The following GTF2IRD2B variants were observed in gnomAD, a reference collection of about 807,000 sequenced individuals.
The protein encoded by GTF2IRD2B is general transcription factor II-I repeat domain-containing protein 2B.
Under a neutral mutation model 55.6 loss-of-function variants are expected in GTF2IRD2B, and 10 were observed. That is an observed-to-expected ratio of 0.18 (90% CI 0.11 to 0.31). GTF2IRD2B has a LOEUF of 0.31. GTF2IRD2B is among the 10% of genes least tolerant of loss of function. The pLI is 1.00. For synonymous variants in GTF2IRD2B, 107 were observed against 320.5 expected, an observed-to-expected ratio of 0.33 and a Z score of 7.12; for missense variants, 206 against 802.7, an observed-to-expected ratio of 0.26 and a Z score of 8.98.
intron 3 of GTF2IRD2B, among the ~76,000 whole-genome samples, chr7:75,113,887 T>C (rs1446771544): frequency 2.0e-5 from 3 of 148,910 alleles, no homozygotes; most frequent in African/African-American, 7.5e-5. Context: ...TGTGTGTCTG[T>C]GTGTGTATAA....
intron 1 of GTF2IRD2B, among the ~76,000 whole-genome samples, chr7:75,103,590 C>A (rs587683498): frequency 6.6e-6 from 1 of 151,632 alleles, no homozygotes; most frequent in Admixed American, 6.6e-5. Flanking sequence ...GAAGGAACCT[C>A]GGGACAAGCA....
chr7:75,119,142 C>T (rs1251403713), intron 3 of GTF2IRD2B, among the ~76,000 whole-genome samples: 1 of 109,352 alleles, frequency 9.1e-6, no homozygotes. Flanking sequence ...TGCAGTGAGC[C>T]GAGATCATGC....
chr7:75,103,984 A>G (rs1270483541), intron 1 of GTF2IRD2B, among the ~76,000 whole-genome samples: 1 of 149,928 alleles, frequency 6.7e-6, no homozygotes, highest in East Asian at 2.0e-4. Context: ...GTGCGCAGAG[A>G]TCATGCCACT....
At chr7:75,101,425 T>C (rs1807550242) in intron 1 of GTF2IRD2B, among the ~76,000 whole-genome samples, 1 of 149,496 alleles carries the variant, frequency 6.7e-6, no homozygotes, top group Non-Finnish European at 1.5e-5. Flanking sequence ...ATTAGCTGAG[T>C]GTCGTGGCAC....
rs1554421561 is a variant in GTF2IRD2B at position 75,104,123 on chromosome 7, T to G, written c.-5-4837T>G. Among the ~76,000 whole-genome samples, 55 of 129,736 alleles carry G rather than the reference T, an allele frequency of 4.2e-4. 2 individuals are homozygous for G. In the South Asian group the frequency reaches 0.014, roughly 32 times the overall value. 85.1% of individuals were successfully genotyped at this position (129,736 alleles called of 152,430 possible). A position where few individuals can be genotyped will look rare whatever the true frequency, so the allele number is the denominator to read the frequency against. ...TGCCCCTTGGGCTGTTGCTGTGGCATCTCCCTTTTTTTGTTTTTAGATGGA... is the reference window on the plus strand; with the variant it reads ...TGCCCCTTGGGCTGTTGCTGTGGCAGCTCCCTTTTTTTGTTTTTAGATGGA... On this transcript the variant is annotated intron_variant, in intron 1 of 15. Coordinates refer to ENST00000472837, the MANE Select transcript of GTF2IRD2B (RefSeq NM_001003795.3).
chr7:75,122,874 C>T (rs1808424532), intron 4 of GTF2IRD2B, among the ~76,000 whole-genome samples: 1 of 150,674 alleles, frequency 6.6e-6, no homozygotes, highest in Non-Finnish European at 1.5e-5. Flanking sequence ...ATGGTGAAAC[C>T]TCATCTCTAC....
At chr7:75,092,992 G>A (rs1307570719) in intron 1 of GTF2IRD2B, among the ~76,000 whole-genome samples, 5 of 152,278 alleles carry the variant, frequency 3.3e-5, no homozygotes, top group Non-Finnish European at 7.3e-5. Context: ...CTTGCCGCGG[G>A]GGCAATGGTC....
At position 75,111,093 on chromosome 7, in the gene GTF2IRD2B, C is replaced by CA. The variant is rs1317548496; in HGVS notation, c.100-1289dup. On this transcript the variant is annotated intron_variant, in intron 2 of 15. Coordinates refer to ENST00000472837, the MANE Select transcript of GTF2IRD2B (RefSeq NM_001003795.3). ...TGGGCAACAGGGCAAGGCTCCGTCTCAAAAAAAAAAAAAAAGGAAAAATAA... is the reference window on the plus strand; with the variant it reads ...TGGGCAACAGGGCAAGGCTCCGTCTCAAAAAAAAAAAAAAAAGGAAAAATAA... Among the ~76,000 whole-genome samples the CA allele has an allele frequency of 7.5e-3, 681 of 90,522 alleles. 4 individuals are homozygous for CA. The highest frequency in any genetic ancestry group is 0.019 in the African/African-American group (508 of 26,666). The allele number at this position is 90,522 out of a possible 152,430, so 59.4% of individuals were successfully genotyped here. A position where few individuals can be genotyped will look rare whatever the true frequency, so the allele number is the denominator to read the frequency against.
chr7:75,147,390 G>A (rs587766531), intron 15 of GTF2IRD2B, among the ~76,000 whole-genome samples: 142 of 151,978 alleles, frequency 9.3e-4, no homozygotes, highest in African/African-American at 3.3e-3. Context: ...CCGAGATTGC[G>A]CCACTGCACT....
Position 75,148,298 on chromosome 7 carries a change from C to A in GTF2IRD2B, c.1851C>A (p.Ala617=). 6.2e-7 allele frequency: 1 copy of A among 1,613,610 alleles called. No homozygotes were observed. Among genetic ancestry groups the A allele is most frequent in the Non-Finnish European group, 8.5e-7 (1 of 1,179,804 alleles). The part of the protein sequence containing the change: ...CINWSRLVSV[A]STGTPAMVDA... Reference sequence around the variant, plus strand: ...ACTGGTCGAGATTAGTAAGCGTGGCCTCCACTGGCACCCCAGCGATGGTGG... The same window carrying A: ...ACTGGTCGAGATTAGTAAGCGTGGCATCCACTGGCACCCCAGCGATGGTGG... Residue 617 remains alanine, a synonymous_variant, in exon 16 of 16, where the codon GCC becomes GCA. Coordinates refer to ENST00000472837, the MANE Select transcript of GTF2IRD2B (RefSeq NM_001003795.3).
chr7:75,146,866 G>T (rs1554454339), intron 15 of GTF2IRD2B: 1 of 149,236 alleles, frequency 6.7e-6, no homozygotes, highest in African/African-American at 2.5e-5. Flanking sequence ...GGGAGGCCAA[G>T]GCGGGTGGAT....
intron 1 of GTF2IRD2B, among the ~76,000 whole-genome samples, chr7:75,105,093 G>GGCT (rs1281128900): frequency 1.3e-5 from 2 of 152,282 alleles, no homozygotes; most frequent in East Asian, 3.8e-4. Context: ...GCCACCCGGG[G>GGCT]GCTGAAATGG....
chr7:75,105,581 A>G (rs1168717682), intron 1 of GTF2IRD2B, among the ~76,000 whole-genome samples: 1 of 152,302 alleles, frequency 6.6e-6, no homozygotes. Context: ...AATAATAGAG[A>G]TATAGAGATT....
chr7:75,104,362 G>A (rs1208223601), intron 1 of GTF2IRD2B, among the ~76,000 whole-genome samples: 6 of 152,360 alleles, frequency 3.9e-5, no homozygotes, highest in Admixed American at 1.3e-4. Flanking sequence ...CAAGTGATCC[G>A]CTCGCCTCAG....
chr7:75,115,367 T>C (rs1309992154), intron 3 of GTF2IRD2B, among the ~76,000 whole-genome samples: 2 of 151,120 alleles, frequency 1.3e-5, no homozygotes, highest in African/African-American at 4.9e-5. Flanking sequence ...CCAAATTTGC[T>C]CTTCTTCAAG....
chr7:75,119,166 C>T (rs1234793519), intron 3 of GTF2IRD2B, among the ~76,000 whole-genome samples: 1 of 96,610 alleles, frequency 1.0e-5, no homozygotes, highest in African/African-American at 4.2e-5. Context: ...TGCACTCCAG[C>T]TTAGGCGACA....
intron 10 of GTF2IRD2B, among the ~76,000 whole-genome samples, chr7:75,136,262 G>A (rs1285795463): frequency 7.1e-6 from 1 of 140,420 alleles, no homozygotes; most frequent in African/African-American, 2.9e-5. Context: ...ATCTGCCTTA[G>A]AGAGATAGTG....
chr7:75,104,514 G>A (rs1222221008), intron 1 of GTF2IRD2B, among the ~76,000 whole-genome samples: 1 of 149,570 alleles, frequency 6.7e-6, no homozygotes, highest in Non-Finnish European at 1.5e-5. Flanking sequence ...AATTGTCCTG[G>A]TGTATGTTCT....
chr7:75,106,080 C>T (rs1198830715), intron 1 of GTF2IRD2B, among the ~76,000 whole-genome samples: 2 of 152,300 alleles, frequency 1.3e-5, no homozygotes, highest in Non-Finnish European at 2.9e-5. Context: ...CAAATAACCG[C>T]ATGTGACCTC....
Sources: allele counts gnomAD v4.1 joint callset (sites outside exome capture counted in the v4.1 genomes callset), GRCh38; gene constraint gnomAD v4.1.1; transcripts MANE v1.5; gene names NCBI Gene and HGNC (gene_info 2026-07-23, HGNC 2026-07-21).